Variants in KALRN observed in about 807,000 individuals in gnomAD.
The protein encoded by KALRN is kalirin.
Under a neutral mutation model 353.7 loss-of-function variants are expected in KALRN, and 70 were observed. That is an observed-to-expected ratio of 0.20 (90% CI 0.16 to 0.24). The LOEUF is 0.24. Ranked by LOEUF, KALRN falls within the 10% of genes least tolerant of loss-of-function variation. KALRN has a pLI of 1.00. For missense variants in KALRN, 2,791 were observed against 3,756.7 expected (o/e 0.74, Z 6.72); for synonymous variants, 1,391 against 1,434.8 (o/e 0.97, Z 0.69).
At chr3:124,292,313 T>C (rs2076492384) in intron 5 of KALRN, among the ~76,000 whole-genome samples, 1 of 152,184 alleles carries the variant, frequency 6.6e-6, no homozygotes, top group South Asian at 2.1e-4. Context: ...TGTTTCTATA[T>C]TCAGGATAAG....
chr3:124,155,707 TTTTTCACA>T (rs1425780815), intron 1 of KALRN, among the ~76,000 whole-genome samples: 1 of 152,164 alleles, frequency 6.6e-6, no homozygotes, highest in Non-Finnish European at 1.5e-5. Flanking sequence ...TTAAATTCAG[TTTTTCACA>T]AGATTCAACT....
chr3:124,063,187 A>T (rs148924858), intron 1 of KALRN, among the ~76,000 whole-genome samples: 37 of 152,308 alleles, frequency 2.4e-4, no homozygotes, highest in African/African-American at 8.4e-4. Context: ...CAATAGTCAA[A>T]CACTATATGC....
intron 34 of KALRN, among the ~76,000 whole-genome samples, chr3:124,567,406 C>T (rs1403449549): frequency 6.6e-6 from 1 of 152,154 alleles, no homozygotes; most frequent in African/African-American, 2.4e-5. Context: ...CCTCTGCCTT[C>T]TGTGGGAGCA....
In KALRN at chr3:124,227,663, G is replaced by GT. The variant is rs747087120; in HGVS notation, c.74-285dup. On this transcript the variant is annotated intron_variant, in intron 1 of 59. Transcript: ENST00000682506. ...CAAGTTGCTCAATAGCAACAGGGCT[G>GT]TTTTTTTTTTTTTTTTTTTTTTTTT... is the stretch of plus-strand genomic sequence containing the variant. Among the ~76,000 whole-genome samples the GT allele has an allele frequency of 7.4e-4, 51 of 69,252 alleles. 5 individuals carry two copies. Among genetic ancestry groups the GT allele is most frequent in the Non-Finnish European group, 1.1e-3 (37 of 34,490 alleles). 45.4% of individuals were successfully genotyped at this position (69,252 alleles called of 152,430 possible). A position where few individuals can be genotyped will look rare whatever the true frequency, so the allele number is the denominator to read the frequency against.
chr3:124,549,333 ACACACACACACACACATAAT>A (rs542949851), intron 33 of KALRN, among the ~76,000 whole-genome samples: 2,075 of 151,302 alleles, frequency 0.014, 17 homozygotes, highest in East Asian at 0.059. Context: ...ACACACACAC[ACACACACACACACACATAAT>A]CACACACACA....
At chr3:124,562,628 A>G (rs889146020) in intron 33 of KALRN, 2 of 367,470 alleles carry the variant, frequency 5.4e-6, no homozygotes, top group African/African-American at 4.3e-5. Context: ...TGCTAATTAC[A>G]TTTTTTTCTT....
intron 17 of KALRN, among the ~76,000 whole-genome samples, chr3:124,436,735 G>A (rs879240393): frequency 2.1e-3 from 236 of 112,748 alleles, no homozygotes; most frequent in African/African-American, 8.0e-3. Context: ...AGATGGGACT[G>A]GAGAAGTCAC....
At chr3:124,347,316 G>GTA in intron 10 of KALRN, 51 bp downstream of exon 10, 1 of 1,216,314 alleles carries the variant, frequency 8.2e-7, no homozygotes. Flanking sequence ...GTGTGTGTGT[G>GTA]TGTGTCTAGA....
intron 34 of KALRN, among the ~76,000 whole-genome samples, chr3:124,570,554 A>G (rs2073398938): frequency 6.6e-6 from 1 of 152,184 alleles, no homozygotes; most frequent in Middle Eastern, 3.2e-3. Context: ...AAGGTGTGGT[A>G]TGGTGTTTTT....
At chr3:124,426,602 T>C (rs2093032047) in intron 15 of KALRN, among the ~76,000 whole-genome samples, 1 of 152,224 alleles carries the variant, frequency 6.6e-6, no homozygotes, top group African/African-American at 2.4e-5. Flanking sequence ...TGATGCAACT[T>C]ATTTTCTTTC....
In KALRN at chr3:124,152,191, G is replaced by A. The variant is rs542530800; in HGVS notation, c.74-75799G>A. Reference sequence around the variant, plus strand: ...AACAATCAAAGTGTTATCTGTCAAAGCAATTCGCTTCTTATTGATTTTGCC... The same window carrying A: ...AACAATCAAAGTGTTATCTGTCAAAACAATTCGCTTCTTATTGATTTTGCC... On this transcript the variant is annotated intron_variant, in intron 1 of 59. Transcript: ENST00000682506. 6.4e-6 allele frequency: 10 copies of A among 1,570,564 alleles called. No homozygotes were observed. In the African/African-American group the frequency reaches 1.3e-4, roughly 21 times the overall value.
intron 15 of KALRN, among the ~76,000 whole-genome samples, chr3:124,428,161 A>G (rs1414466312): frequency 6.6e-6 from 1 of 152,230 alleles, no homozygotes; most frequent in East Asian, 1.9e-4. Context: ...AATACCAGTA[A>G]TAGAAAATTA....
At chr3:124,035,716 C>T (rs949337324) in intron 1 of KALRN, among the ~76,000 whole-genome samples, 2 of 152,224 alleles carry the variant, frequency 1.3e-5, no homozygotes, top group Non-Finnish European at 2.9e-5. Context: ...TTTCAAAACA[C>T]AAGGTGTGGC....
At chr3:124,064,714 C>A (rs1173523049) in intron 1 of KALRN, among the ~76,000 whole-genome samples, 1 of 152,174 alleles carries the variant, frequency 6.6e-6, no homozygotes, top group Non-Finnish European at 1.5e-5. Flanking sequence ...TCTTTTAGGA[C>A]AGCTTTTTGG....
At chr3:124,414,423 C>A (rs2092382156) in intron 14 of KALRN, among the ~76,000 whole-genome samples, 1 of 152,184 alleles carries the variant, frequency 6.6e-6, no homozygotes, top group African/African-American at 2.4e-5. Context: ...GTTTCTCAGT[C>A]TCCTCAATTG....
At chr3:124,617,893 A>C in intron 34 of KALRN, among the ~76,000 whole-genome samples, 1 of 152,142 alleles carries the variant, frequency 6.6e-6, no homozygotes, top group Non-Finnish European at 1.5e-5. Flanking sequence ...GACAAATTAG[A>C]TACTATTGAT....
intron 6 of KALRN, among the ~76,000 whole-genome samples, chr3:124,325,727 C>T (rs1178913734): frequency 6.6e-6 from 1 of 152,160 alleles, no homozygotes; most frequent in Admixed American, 6.5e-5. Flanking sequence ...AAAGTGACTG[C>T]ATTAAAGTGC....
chr3:124,156,266 C>T (rs1406843772), intron 1 of KALRN, among the ~76,000 whole-genome samples: 1 of 152,216 alleles, frequency 6.6e-6, no homozygotes, highest in Non-Finnish European at 1.5e-5. Flanking sequence ...AAACATTGTT[C>T]AGCAAACAAA....
chr3:124,161,176 C>G (rs1011647239), intron 1 of KALRN, among the ~76,000 whole-genome samples: 4 of 152,112 alleles, frequency 2.6e-5, no homozygotes, highest in African/African-American at 9.7e-5. Context: ...ACCTCCATCC[C>G]TCCCCCAAAA....
Sources: gnomAD v4.1 joint callset for allele counts (sites outside exome capture counted in the v4.1 genomes callset) on GRCh38, gnomAD v4.1.1 for gene constraint, MANE v1.5 for transcripts, NCBI Gene and HGNC (gene_info 2026-07-23, HGNC 2026-07-21) for gene names.